Variants in PLPPR1 observed in about 807,000 individuals in gnomAD.
PLPPR1 encodes phospholipid phosphatase related 1, also known as phospholipid phosphatase-related protein type 1.
Under a neutral mutation model 33.1 loss-of-function variants are expected in PLPPR1, and 10 were observed. The ratio of observed to expected loss-of-function variants is 0.30; its 90% CI spans 0.19 to 0.51. PLPPR1 has a LOEUF of 0.51. Among genes scored for constraint, PLPPR1 ranks in the 20% least tolerant of loss-of-function variants. The pLI, the probability that PLPPR1 is intolerant of heterozygous loss-of-function variation, is 0.97. For synonymous variants in PLPPR1, 151 were observed against 151.0 expected (o/e 1.00, Z 0.00); for missense variants, 304 against 408.1 (o/e 0.74, Z 2.20).
chr9:101,306,658 T>C (rs1208697305), intron 4 of PLPPR1, among the ~76,000 whole-genome samples: 1 of 152,204 alleles, frequency 6.6e-6, no homozygotes, highest in Non-Finnish European at 1.5e-5. Flanking sequence ...ACAACACAGA[T>C]GGAGCAGAGC....
chr9:101,180,540 A>G (rs1826092003), intron 1 of PLPPR1, among the ~76,000 whole-genome samples: 1 of 151,932 alleles, frequency 6.6e-6, no homozygotes, highest in Non-Finnish European at 1.5e-5. Context: ...AAAAACAGAC[A>G]TTTTGACCAA....
At chr9:101,155,334 T>C (rs1251997104) in intron 1 of PLPPR1, among the ~76,000 whole-genome samples, 3 of 152,140 alleles carry the variant, frequency 2.0e-5, no homozygotes, top group Non-Finnish European at 4.4e-5. Flanking sequence ...ATTTATTTCT[T>C]GCAGTTACAG....
At chr9:101,211,574 G>A (rs181272160) in intron 2 of PLPPR1, among the ~76,000 whole-genome samples, 1 of 152,290 alleles carries the variant, frequency 6.6e-6, no homozygotes, top group East Asian at 1.9e-4. Context: ...TTACTCAGTT[G>A]TGTCCATTCT....
chr9:101,139,624 C>T (rs775134708), intron 1 of PLPPR1, among the ~76,000 whole-genome samples: 1 of 152,012 alleles, frequency 6.6e-6, no homozygotes, highest in Non-Finnish European at 1.5e-5. Context: ...AAGAATGAAT[C>T]GACAGTGTGT....
intron 1 of PLPPR1, among the ~76,000 whole-genome samples, chr9:101,049,575 A>T (rs1830194261): frequency 6.6e-6 from 1 of 152,190 alleles, no homozygotes; most frequent in African/African-American, 2.4e-5. Flanking sequence ...CAGTTGAGAA[A>T]ACTGAAGCAG....
intron 7 of PLPPR1, among the ~76,000 whole-genome samples, chr9:101,318,213 ATAGG>A (rs1474309904): frequency 6.6e-6 from 1 of 152,172 alleles, no homozygotes; most frequent in African/African-American, 2.4e-5. Context: ...GTGGATATAA[ATAGG>A]TAGTCATAAT....
At chr9:101,298,058 AG>A (rs1442303399) in intron 4 of PLPPR1, among the ~76,000 whole-genome samples, 1 of 152,250 alleles carries the variant, frequency 6.6e-6, no homozygotes, top group Non-Finnish European at 1.5e-5. Context: ...AGACAGCATT[AG>A]AATTTGATGA....
At position 101,321,206 on chromosome 9, in the gene PLPPR1, A is replaced by G. The variant is rs569381158; in HGVS notation, c.946-2819A>G. 5.8e-4 allele frequency among the ~76,000 whole-genome samples: 89 copies of G among 152,302 alleles called. No individual in the cohort carries two copies. The Middle Eastern group carries it at 0.017, about 29-fold the overall frequency. Reference sequence around the variant, plus strand: ...GCACACATTCGTACACATGAAATCCATCCCACTATTCAAAATATCTTAAGG... The same window carrying G: ...GCACACATTCGTACACATGAAATCCGTCCCACTATTCAAAATATCTTAAGG... On this transcript the variant is annotated intron_variant, in intron 7 of 7. Coordinates refer to ENST00000374874, the MANE Select transcript of PLPPR1 (RefSeq NM_207299.2).
Position 101,248,727 on chromosome 9 carries a change from G to T in PLPPR1, c.64-21153G>T, listed in dbSNP as rs571714667. ...CAAATCTCTAAGCAGCTTAATACCTGTTCTTATCTTATTTCAATTTAGAGA... is the reference window on the plus strand; with the variant it reads ...CAAATCTCTAAGCAGCTTAATACCTTTTCTTATCTTATTTCAATTTAGAGA... On this transcript the variant is annotated intron_variant, in intron 2 of 7. Transcript: ENST00000374874. 5.4e-4 allele frequency among the ~76,000 whole-genome samples: 82 copies of T among 152,104 alleles called. 1 individual carries two copies. Among genetic ancestry groups the T allele is most frequent in the Middle Eastern group, 6.8e-3 (2 of 294 alleles).
At chr9:101,115,967 T>C (rs938550208) in intron 1 of PLPPR1, among the ~76,000 whole-genome samples, 5 of 150,576 alleles carry the variant, frequency 3.3e-5, no homozygotes, top group African/African-American at 9.8e-5. Context: ...TTTTGGACTC[T>C]ACTCAAGACC....
At chr9:101,215,686 A>G (rs1016895243) in intron 2 of PLPPR1, among the ~76,000 whole-genome samples, 5 of 151,240 alleles carry the variant, frequency 3.3e-5, no homozygotes, top group African/African-American at 1.2e-4. Flanking sequence ...CTCTATCTCC[A>G]TTAGCTCATT....
chr9:101,302,286 C>T (rs755283916), intron 4 of PLPPR1, among the ~76,000 whole-genome samples: 5 of 152,162 alleles, frequency 3.3e-5, no homozygotes, highest in Non-Finnish European at 5.9e-5. Flanking sequence ...TACCTGGTAT[C>T]CATGGCAGTC....
At chr9:101,107,841 T>C (rs1188320080) in intron 1 of PLPPR1, among the ~76,000 whole-genome samples, 3 of 150,544 alleles carry the variant, frequency 2.0e-5, no homozygotes, top group East Asian at 2.0e-4. Context: ...GTGTGGGATA[T>C]AGTCTCGTGG....
intron 2 of PLPPR1, among the ~76,000 whole-genome samples, chr9:101,196,690 T>A (rs925485356): frequency 5.3e-5 from 8 of 152,036 alleles, no homozygotes; most frequent in Non-Finnish European, 8.8e-5. Context: ...TGAAACCACG[T>A]CTCTACTAAA....
intron 1 of PLPPR1, among the ~76,000 whole-genome samples, chr9:101,097,827 G>T (rs1006206339): frequency 2.0e-5 from 3 of 152,118 alleles, no homozygotes; most frequent in Non-Finnish European, 4.4e-5. Flanking sequence ...AGAGGTAGGT[G>T]GGGGAGGTAT....
At chr9:101,037,908 T>C (rs1004395604) in intron 1 of PLPPR1, among the ~76,000 whole-genome samples, 2 of 148,930 alleles carry the variant, frequency 1.3e-5, no homozygotes, top group Admixed American at 6.9e-5. Context: ...AGACAGTTCC[T>C]GGCCAGGCTA....
chr9:101,243,617 G>A (rs1213136747), intron 2 of PLPPR1, among the ~76,000 whole-genome samples: 1 of 151,870 alleles, frequency 6.6e-6, no homozygotes, highest in Non-Finnish European at 1.5e-5. Flanking sequence ...GGTGGAGGGA[G>A]GGAACATTAT....
At chr9:101,124,049 T>C (rs1055980258) in intron 1 of PLPPR1, among the ~76,000 whole-genome samples, 2 of 152,186 alleles carry the variant, frequency 1.3e-5, no homozygotes, top group East Asian at 1.9e-4. Flanking sequence ...GAAGGTATTA[T>C]TATTACTATC....
intron 2 of PLPPR1, among the ~76,000 whole-genome samples, chr9:101,235,528 G>T (rs1437291882): frequency 6.6e-6 from 1 of 151,740 alleles, no homozygotes; most frequent in East Asian, 1.9e-4. Context: ...ATATGTACAT[G>T]CTGTACTTTC....
Sources: gnomAD v4.1 joint callset for allele counts (sites outside exome capture counted in the v4.1 genomes callset) on GRCh38, gnomAD v4.1.1 for gene constraint, MANE v1.5 for transcripts, NCBI Gene and HGNC (gene_info 2026-07-23, HGNC 2026-07-21) for gene names.